SUPT3H: variants seen among roughly 807,000 people sequenced by gnomAD.
SUPT3H encodes the protein SPT3 homolog, SAGA and STAGA complex component.
A neutral mutation model predicts 44.3 loss-of-function variants in SUPT3H; 44 were observed. The ratio of observed to expected loss-of-function variants is 0.99; its 90% CI spans 0.78 to 1.28. The LOEUF is 1.28. SUPT3H is among the 50% of genes most tolerant of loss of function. SUPT3H has a pLI of 0.00. For synonymous variants in SUPT3H, 124 were observed against 125.6 expected (o/e 0.99, Z 0.09); for missense variants, 380 against 387.1 (o/e 0.98, Z 0.15).
chr6:44,818,076 A>C (rs748367605), intron 11 of SUPT3H, among the ~76,000 whole-genome samples: 3 of 152,190 alleles, frequency 2.0e-5, no homozygotes, highest in Non-Finnish European at 4.4e-5. Context: ...CATAGTAATC[A>C]AGACAACCAG....
At chr6:45,152,217 A>G (rs1807067086) in intron 2 of SUPT3H, among the ~76,000 whole-genome samples, 1 of 152,110 alleles carries the variant, frequency 6.6e-6, no homozygotes, top group Non-Finnish European at 1.5e-5. Flanking sequence ...CATTGGCACC[A>G]CCATTCCCAA....
intron 2 of SUPT3H, among the ~76,000 whole-genome samples, chr6:45,239,266 T>C (rs763886343): frequency 9.2e-5 from 14 of 152,236 alleles, no homozygotes; most frequent in African/African-American, 1.4e-4. Context: ...GCACCCTTTT[T>C]ACGTTACTCA....
At chr6:44,963,281 T>C (rs1274336775) in intron 6 of SUPT3H, among the ~76,000 whole-genome samples, 3 of 152,248 alleles carry the variant, frequency 2.0e-5, no homozygotes, top group Admixed American at 2.0e-4. Context: ...GTGGATCACT[T>C]GAAGGCAGCA....
At chr6:44,941,116 T>C (rs1772350630) in intron 9 of SUPT3H, among the ~76,000 whole-genome samples, 1 of 152,170 alleles carries the variant, frequency 6.6e-6, no homozygotes, top group Admixed American at 6.5e-5. Context: ...AATTATTTTC[T>C]AGTTGTTTGA....
chr6:45,069,372 C>G (rs1454724737), intron 3 of SUPT3H, among the ~76,000 whole-genome samples: 1 of 152,126 alleles, frequency 6.6e-6, no homozygotes, highest in African/African-American at 2.4e-5. Context: ...ACAAGAGGGA[C>G]TAACACTGAA....
At chr6:45,314,897 G>A in intron 2 of SUPT3H, among the ~76,000 whole-genome samples, 1 of 152,074 alleles carries the variant, frequency 6.6e-6, no homozygotes, top group East Asian at 1.9e-4. Context: ...ATACTATGAG[G>A]CCATAGTCAC....
intron 1 of SUPT3H, among the ~76,000 whole-genome samples, chr6:45,365,578 T>C (rs1794990933): frequency 6.6e-6 from 1 of 150,934 alleles, no homozygotes; most frequent in African/African-American, 2.4e-5. Context: ...AAACAGTATT[T>C]ATTAACATAT....
chr6:45,061,324 T>C (rs906156639), intron 3 of SUPT3H, among the ~76,000 whole-genome samples: 1 of 152,186 alleles, frequency 6.6e-6, no homozygotes, highest in Admixed American at 6.5e-5. Context: ...CAAGCCGTTA[T>C]CCTCAGCAAA....
At chr6:45,022,146 T>A (rs1047884335) in intron 3 of SUPT3H, among the ~76,000 whole-genome samples, 1 of 152,052 alleles carries the variant, frequency 6.6e-6, no homozygotes, top group Admixed American at 6.6e-5. Context: ...ACATACACAG[T>A]AAATTTATTT....
At chr6:45,372,969 C>T (rs1157102422) in intron 1 of SUPT3H, among the ~76,000 whole-genome samples, 5 of 152,168 alleles carry the variant, frequency 3.3e-5, no homozygotes, top group Non-Finnish European at 5.9e-5. Context: ...CCAAGACACG[C>T]GGCTAATTTT....
At chr6:45,042,799 T>C (rs1014871378) in intron 3 of SUPT3H, among the ~76,000 whole-genome samples, 1 of 108,148 alleles carries the variant, frequency 9.2e-6, no homozygotes, top group Admixed American at 1.1e-4. Context: ...CATGCACATG[T>C]ATGTTTACTG....
intron 6 of SUPT3H, among the ~76,000 whole-genome samples, chr6:44,963,844 A>G (rs532713577): frequency 3.9e-5 from 6 of 151,976 alleles, no homozygotes; most frequent in South Asian, 2.1e-4. Context: ...CTAAAAATAT[A>G]AAATATTAGC....
chr6:45,181,273 G>A lies in SUPT3H; in HGVS notation c.102-75267C>T, dbSNP rs1346378773. 2.8e-5 allele frequency among the ~76,000 whole-genome samples: 4 copies of A among 140,904 alleles called. No homozygotes were observed. In the East Asian group the frequency reaches 6.7e-4, roughly 24 times the overall value. 92.4% of individuals were successfully genotyped at this position (140,904 alleles called of 152,430 possible). On this transcript the variant is annotated intron_variant, in intron 2 of 10. Coordinates refer to ENST00000371459, the MANE Select transcript of SUPT3H (RefSeq NM_003599.4). ...ACACTTTTACACTGTTGGTGGGACT[G>A]TAAACTAGTTCAACCATTGTGGAAG... is the stretch of plus-strand genomic sequence containing the variant.
chr6:44,979,542 T>TG (rs553831090), intron 6 of SUPT3H, among the ~76,000 whole-genome samples: 13 of 151,732 alleles, frequency 8.6e-5, no homozygotes, highest in South Asian at 2.1e-4. Flanking sequence ...AAAGTGTGTG[T>TG]GGGGGGGGGA....
intron 2 of SUPT3H, among the ~76,000 whole-genome samples, chr6:45,148,028 A>T (rs1162180969): frequency 6.6e-6 from 1 of 152,172 alleles, no homozygotes; most frequent in East Asian, 1.9e-4. Flanking sequence ...GGTAAAGCAA[A>T]GCATCACTGC....
intron 2 of SUPT3H, among the ~76,000 whole-genome samples, chr6:45,333,247 C>G (rs1787875602): frequency 6.6e-6 from 1 of 151,548 alleles, no homozygotes; most frequent in Admixed American, 6.6e-5. Flanking sequence ...CAAAAAATAA[C>G]AGGGAAATTC....
intron 2 of SUPT3H, among the ~76,000 whole-genome samples, chr6:45,335,908 T>C (rs1326771514): frequency 1.3e-5 from 2 of 151,362 alleles, no homozygotes; most frequent in Non-Finnish European, 1.5e-5. Flanking sequence ...CTACTGCTCT[T>C]ATAAGAGTCA....
chr6:45,376,226 G>A (rs1234158468), intron 1 of SUPT3H, among the ~76,000 whole-genome samples: 1 of 152,150 alleles, frequency 6.6e-6, no homozygotes, highest in East Asian at 1.9e-4. Context: ...CCCATGGTCT[G>A]AACTGCAGTA....
In SUPT3H at chr6:45,105,977, A is replaced by C. The variant is rs764738805; in HGVS notation, c.131T>G (p.Leu44Arg). The change falls in exon 3 of 11, where the codon CTT (leucine) becomes CGT (arginine). Residue 44 changes from leucine to arginine, a missense_variant. Physicochemically the swap from Leu to Arg is moderately radical, Grantham distance 102. Coordinates refer to ENST00000371459, the MANE Select transcript of SUPT3H (RefSeq NM_003599.4). ...MYSLGDARRP[L>R]HETAVLVEDV... ...TTCTACCAAAACTGCTGTTTCATGA[A>C]GAGGCCTTCTAGCATCACCTAAAGA... is the stretch of plus-strand genomic sequence containing the variant. 2.2e-5 allele frequency: 35 copies of C among 1,613,718 alleles called. No individual in the cohort carries two copies. Among genetic ancestry groups the C allele is most frequent in the Middle Eastern group, 3.3e-4 (2 of 6,082 alleles).
Sources: gnomAD v4.1 joint callset for allele counts (sites outside exome capture counted in the v4.1 genomes callset) on GRCh38, gnomAD v4.1.1 for gene constraint, MANE v1.5 for transcripts, NCBI Gene and HGNC (gene_info 2026-07-23, HGNC 2026-07-21) for gene names.